Variants in TRA2A observed in about 807,000 individuals in gnomAD.
TRA2A encodes transformer-2 protein homolog alpha.
TRA2A carries 31 observed loss-of-function variants against 45.7 expected under a neutral mutation model. The observed-to-expected ratio is 0.68, with a 90% confidence interval of 0.51 to 0.92. TRA2A has a LOEUF of 0.92. Ranked by LOEUF, TRA2A falls within the 40% of genes least tolerant of loss-of-function variation. The pLI is 0.00. For missense variants in TRA2A, 304 were observed against 367.5 expected (o/e 0.83, Z 1.41); for synonymous variants, 132 against 126.2 (o/e 1.05, Z -0.31).
At chr7:23,521,427 G>C (rs2170683) in intron 2 of TRA2A, among the ~76,000 whole-genome samples, 279 of 152,042 alleles carry the variant, frequency 1.8e-3, no homozygotes, top group Middle Eastern at 6.8e-3. Context: ...ATTGGGCTGG[G>C]AGATGATTTT....
At chr7:23,510,133 A>G (rs1198681334) in intron 4 of TRA2A, among the ~76,000 whole-genome samples, 1 of 152,210 alleles carries the variant, frequency 6.6e-6, no homozygotes, top group Non-Finnish European at 1.5e-5. Context: ...TCAGCCATAC[A>G]GAAGAAACCA....
At chr7:23,521,056 G>GT (rs1790114654) in intron 2 of TRA2A, among the ~76,000 whole-genome samples, 1 of 152,142 alleles carries the variant, frequency 6.6e-6, no homozygotes, top group African/African-American at 2.4e-5. Flanking sequence ...CTTTGCATTG[G>GT]TTCACTATTG....
At chr7:23,508,057 A>T (rs771431358) in intron 4 of TRA2A, among the ~76,000 whole-genome samples, 11 of 152,078 alleles carry the variant, frequency 7.2e-5, no homozygotes, top group Non-Finnish European at 1.2e-4. Flanking sequence ...ACCTGCCCCC[A>T]ATCTTATTCT....
chr7:23,513,185 ATT>A lies in TRA2A; in HGVS notation c.337-105_337-104del, dbSNP rs112287532. ...ACCTCATCTAATACACAATAAATAT[ATT>A]GTTTCTAATAATTTGGAGATAAGAT... is the stretch of plus-strand genomic sequence containing the variant. On this transcript the variant is annotated intron_variant, in intron 3 of 7. Transcript: ENST00000297071. The A allele has an allele frequency of 3.4e-3, 2,608 of 762,082 alleles. 58 individuals carry two copies. In the African/African-American group the frequency reaches 0.042, roughly 12 times the overall value. The allele number at this position is 762,082 out of a possible 1,614,324, so 47.2% of individuals were successfully genotyped here. A position where few individuals can be genotyped will look rare whatever the true frequency, so the allele number is the denominator to read the frequency against.
At chr7:23,506,354 AAAGTGAG>A in intron 5 of TRA2A, 88 bp from the exon 6 acceptor site, 1 of 1,370,762 alleles carries the variant, frequency 7.3e-7, no homozygotes. Flanking sequence ...AAAAAAGAGA[AAAGTGAG>A]GAAGAACATC....
intron 4 of TRA2A, among the ~76,000 whole-genome samples, chr7:23,507,974 C>T (rs531075739): frequency 5.9e-5 from 9 of 152,114 alleles, no homozygotes; most frequent in South Asian, 2.1e-4. Context: ...TAGTCTCCAG[C>T]GATTTCACTT....
In TRA2A at chr7:23,531,939, C is replaced by T. The variant is rs41273990; in HGVS notation, c.-115G>A. ...AAGAGGAAAGAGTCGGCAACCACAG[C>T]CGCTCCACTCCACTCCCACTCGGTC... On this transcript the variant is annotated 5_prime_UTR_variant, in exon 1 of 8. Transcript: ENST00000297071. 28,750 of 1,129,168 alleles carry T rather than the reference C, an allele frequency of 0.025. 438 individuals carry two copies. The highest frequency in any genetic ancestry group is 0.031 in the Non-Finnish European group (24,050 of 770,300). The allele number at this position is 1,129,168 out of a possible 1,614,324, so 69.9% of individuals were successfully genotyped here.
intron 4 of TRA2A, among the ~76,000 whole-genome samples, chr7:23,512,596 C>G (rs1414292221): frequency 6.6e-6 from 1 of 151,992 alleles, no homozygotes; most frequent in African/African-American, 2.4e-5. Context: ...GTAGCTGGGA[C>G]TACAAGCGCC....
intron 1 of TRA2A, 166 bp from the exon 2 acceptor site, chr7:23,522,006 C>T (rs1389685337): frequency 7.1e-7 from 1 of 1,401,376 alleles, no homozygotes; most frequent in Non-Finnish European, 9.3e-7. Context: ...GTTAATACTG[C>T]TAACTGTCCT....
chr7:23,525,784 C>CG (rs1790315491), intron 1 of TRA2A, among the ~76,000 whole-genome samples: 2 of 152,066 alleles, frequency 1.3e-5, no homozygotes, highest in African/African-American at 4.8e-5. Context: ...TTAGTAGAGA[C>CG]GGGGTTTCAC....
chr7:23,518,071 T>C (rs769104273), intron 2 of TRA2A, among the ~76,000 whole-genome samples: 1 of 151,862 alleles, frequency 6.6e-6, no homozygotes, highest in African/African-American at 2.4e-5. Context: ...CCCAGACAGC[T>C]AGGACTACAG....
rs1275170754 is a variant in TRA2A at position 23,505,085 on chromosome 7, T to TA, written c.*473dup. On this transcript the variant is annotated 3_prime_UTR_variant, in exon 8 of 8. Transcript: ENST00000297071. ...TCATCTCTAAAAAAAAACTTTCAAC[T>TA]ACCTGACTGTTCCATTCCACCCCAG... The TA allele has an allele frequency of 6.5e-6, 1 of 153,592 alleles. No individual in the cohort carries two copies. Among genetic ancestry groups the TA allele is most frequent in the Non-Finnish European group, 1.4e-5 (1 of 69,140 alleles). The allele number at this position is 153,592 out of a possible 1,614,324, so 9.5% of individuals were successfully genotyped here. A position where few individuals can be genotyped will look rare whatever the true frequency, so the allele number is the denominator to read the frequency against.
chr7:23,505,883 C>A, intron 6 of TRA2A, 70 bp from the exon 7 acceptor site: 1 of 974,576 alleles, frequency 1.0e-6, no homozygotes, highest in Non-Finnish European at 1.5e-6. Context: ...AATAAAAATT[C>A]CTCATCATTC....
rs1398471876 is a variant in TRA2A, at chr7:23,512,980, C to G, written c.439G>C (p.Gly147Arg). 1 of 1,613,662 alleles carries G rather than the reference C, an allele frequency of 6.2e-7. No individual in the cohort carries two copies. The highest frequency in any genetic ancestry group is 8.5e-7 in the Non-Finnish European group (1 of 1,179,634). ...CGCTGATCATAAACCACATTGACAC[C>G]ACTCAATGGTCCATATCGAGAAAAT... ...EVFSRYGPLS[G>R]VNVVYDQRTG... Residue 147 changes from glycine (G) to arginine (R), a missense_variant, in exon 4 of 8, where the codon GGT becomes CGT. This residue lies in a region of TRA2A where 130 missense variants were observed against 217.1 expected (regional missense o/e 0.60). Coordinates refer to ENST00000297071, the MANE Select transcript of TRA2A (RefSeq NM_013293.5).
At chr7:23,531,683 G>A (rs1223569863) in intron 1 of TRA2A, 106 bp downstream of exon 1, 12 of 1,234,014 alleles carry the variant, frequency 9.7e-6, no homozygotes, top group South Asian at 7.5e-5. Flanking sequence ...GGCTCCAGAG[G>A]TTGCTCCTCG....
chr7:23,513,950 A>C (rs2127994093), intron 3 of TRA2A, among the ~76,000 whole-genome samples: 1 of 152,318 alleles, frequency 6.6e-6, no homozygotes, highest in African/African-American at 2.4e-5. Context: ...AGGAAGAGGA[A>C]CAGGCTATGA....
At chr7:23,522,571 A>AC (rs1790178076) in intron 1 of TRA2A, 1 of 184,160 alleles carries the variant, frequency 5.4e-6, no homozygotes, top group Non-Finnish European at 1.1e-5. Context: ...AAAAAAAAAA[A>AC]AAACAATTTT....
At chr7:23,516,787 A>AAC (rs2127995781) in intron 2 of TRA2A, among the ~76,000 whole-genome samples, 1 of 152,104 alleles carries the variant, frequency 6.6e-6, no homozygotes, top group African/African-American at 2.4e-5. Flanking sequence ...CAAAAAAAAA[A>AAC]CAAAAAACAA....
intron 1 of TRA2A, among the ~76,000 whole-genome samples, chr7:23,525,008 A>G (rs1160474611): frequency 6.6e-6 from 1 of 152,176 alleles, no homozygotes; most frequent in Non-Finnish European, 1.5e-5. Context: ...ACTTTCAAAA[A>G]CAACTTACAA....
Sources: gnomAD v4.1 joint callset for allele counts (sites outside exome capture counted in the v4.1 genomes callset) on GRCh38, gnomAD v4.1.1 for gene constraint, gnomAD v4.1.1 regional missense constraint, MANE v1.5 for transcripts, NCBI Gene and HGNC (gene_info 2026-07-23, HGNC 2026-07-21) for gene names.